The following RARB variants were observed in gnomAD, a reference collection of about 807,000 sequenced individuals.
RARB encodes HBV-activated protein.
A neutral mutation model predicts 51.9 loss-of-function variants in RARB; 17 were observed. That is an observed-to-expected ratio of 0.33 (90% CI 0.22 to 0.49). The LOEUF is 0.49. Among genes scored for constraint, RARB ranks in the 20% least tolerant of loss-of-function variants. The pLI is 0.99. For missense variants in RARB, 369 were observed against 550.8 expected (o/e 0.67, Z 3.30); for synonymous variants, 215 against 195.4 (o/e 1.10, Z -0.84).
intron 5 of RARB, among the ~76,000 whole-genome samples, chr3:25,287,496 G>A (rs367854849): frequency 6.6e-6 from 1 of 152,120 alleles, no homozygotes; most frequent in Admixed American, 6.6e-5. Context: ...GGGCAGGAGG[G>A]GGAAGCATAG....
chr3:25,332,704 G>C lies in RARB; in HGVS notation c.179-128489G>C, dbSNP rs376959012. ...AATCAGGCAGGAGAAAGAAATAAAG[G>C]GTATTCAATTAGGAAAAGAGGAAGT... On this transcript the variant is annotated intron_variant, in intron 5 of 11. Coordinates refer to the RARB transcript ENST00000383772. Among the ~76,000 whole-genome samples the C allele has an allele frequency of 1.2e-4, 19 of 152,076 alleles. No homozygotes were observed. The East Asian group carries it at 3.3e-3, about 26-fold the overall frequency.
chr3:25,248,799 T>A (rs371388897), intron 5 of RARB, among the ~76,000 whole-genome samples: 16 of 152,344 alleles, frequency 1.1e-4, no homozygotes, highest in African/African-American at 3.6e-4. Context: ...TGCTTATATG[T>A]CTACTGTTAG....
intron 5 of RARB, among the ~76,000 whole-genome samples, chr3:25,241,094 G>A (rs1434397474): frequency 1.3e-5 from 2 of 151,970 alleles, no homozygotes; most frequent in East Asian, 1.9e-4. Flanking sequence ...ATTTCCCCTG[G>A]GTTTTCCAGT....
intron 5 of RARB, among the ~76,000 whole-genome samples, chr3:25,231,922 A>G (rs773671938): frequency 2.6e-5 from 4 of 152,028 alleles, no homozygotes; most frequent in Non-Finnish European, 2.9e-5. Context: ...ATGAAACTCA[A>G]TATATTTTTT....
intron 2 of RARB, among the ~76,000 whole-genome samples, chr3:24,867,145 A>G (rs1014528796): frequency 1.3e-5 from 2 of 152,096 alleles, no homozygotes; most frequent in Non-Finnish European, 2.9e-5. Context: ...TATGGCTGGC[A>G]ATTGTTTATG....
At chr3:25,395,068 C>T (rs1707079250) in intron 5 of RARB, among the ~76,000 whole-genome samples, 1 of 152,186 alleles carries the variant, frequency 6.6e-6, no homozygotes, top group African/African-American at 2.4e-5. Flanking sequence ...AGATTCAGAG[C>T]TCCTTTTAGC....
chr3:25,421,539 G>A (rs28760501), intron 5 of RARB, among the ~76,000 whole-genome samples: 68,813 of 150,450 alleles, frequency 0.46, 16,091 homozygotes, highest in East Asian at 0.76. Context: ...AGCCTCCCGC[G>A]TAGCTGGGAT....
intron 2 of RARB, among the ~76,000 whole-genome samples, chr3:24,904,403 A>G (rs1446105509): frequency 1.3e-5 from 2 of 152,172 alleles, no homozygotes; most frequent in African/African-American, 4.8e-5. Context: ...CAACAAACAT[A>G]TGAAAAAAAG....
At chr3:24,888,669 C>T (rs942768492) in intron 2 of RARB, among the ~76,000 whole-genome samples, 1 of 151,936 alleles carries the variant, frequency 6.6e-6, no homozygotes, top group South Asian at 2.1e-4. Flanking sequence ...ATAATGTTAG[C>T]TTAGTATTTA....
chr3:24,915,645 CT>C (rs1242876531), intron 2 of RARB, among the ~76,000 whole-genome samples: 2 of 152,146 alleles, frequency 1.3e-5, no homozygotes, highest in Admixed American at 1.3e-4. Flanking sequence ...CATTTTCAGA[CT>C]TCATGTATGT....
chr3:25,448,425 C>T (rs1709045762), intron 1 of RARB, among the ~76,000 whole-genome samples: 1 of 152,182 alleles, frequency 6.6e-6, no homozygotes, highest in Non-Finnish European at 1.5e-5. Flanking sequence ...ATGTAGCATT[C>T]CTGTAGTTTG....
At chr3:24,903,618 C>T (rs1437572729) in intron 2 of RARB, among the ~76,000 whole-genome samples, 1 of 152,114 alleles carries the variant, frequency 6.6e-6, no homozygotes, top group Admixed American at 6.6e-5. Context: ...ACAACACATT[C>T]AGACTTTTAT....
rs534662548 is a variant in RARB at position 25,006,428 on chromosome 3, A to G, written c.-379-53697A>G. On this transcript the variant is annotated intron_variant, in intron 2 of 11. Coordinates refer to the RARB transcript ENST00000383772. Reference sequence around the variant, plus strand: ...GATACAGTTGTGACGTTGGCTTTCAAATAAAGAAAACTACCCATCTGTAAT... The same window carrying G: ...GATACAGTTGTGACGTTGGCTTTCAGATAAAGAAAACTACCCATCTGTAAT... 7.9e-5 allele frequency among the ~76,000 whole-genome samples: 12 copies of G among 152,276 alleles called. No homozygotes were observed. The South Asian group carries it at 1.2e-3, about 16-fold the overall frequency.
chr3:25,056,149 C>T (rs1698438843), intron 2 of RARB, among the ~76,000 whole-genome samples: 1 of 152,098 alleles, frequency 6.6e-6, no homozygotes, highest in African/African-American at 2.4e-5. Flanking sequence ...CTGCTGGTAA[C>T]AGGCTGGTCA....
intron 2 of RARB, among the ~76,000 whole-genome samples, chr3:24,890,837 C>T (rs73823015): frequency 1.3e-5 from 2 of 150,992 alleles, no homozygotes; most frequent in Non-Finnish European, 2.9e-5. Flanking sequence ...TGAATGAGGG[C>T]TCTGGAGTAA....
chr3:25,031,267 C>T (rs913182473), intron 2 of RARB, among the ~76,000 whole-genome samples: 2 of 152,158 alleles, frequency 1.3e-5, no homozygotes, highest in Non-Finnish European at 2.9e-5. Context: ...TATTGAGAAC[C>T]ACTGGACTAG....
intron 2 of RARB, among the ~76,000 whole-genome samples, chr3:24,923,465 T>C (rs1021863238): frequency 6.6e-6 from 1 of 152,156 alleles, no homozygotes; most frequent in Non-Finnish European, 1.5e-5. Context: ...GAATCGTTAT[T>C]TTAAAACCTT....
chr3:25,574,331 A>T (rs574754474), intron 4 of RARB, among the ~76,000 whole-genome samples: 1 of 152,178 alleles, frequency 6.6e-6, no homozygotes, highest in Admixed American at 6.5e-5. Flanking sequence ...AAAAACATCC[A>T]CCTCCTGCCT....
chr3:25,234,390 G>A (rs1471442262), intron 5 of RARB, among the ~76,000 whole-genome samples: 1 of 152,000 alleles, frequency 6.6e-6, no homozygotes, highest in South Asian at 2.1e-4. Flanking sequence ...ATATTAGTAA[G>A]TTGCATCTCC....
Sources: gnomAD v4.1 joint callset for allele counts (sites outside exome capture counted in the v4.1 genomes callset) on GRCh38, gnomAD v4.1.1 for gene constraint, MANE v1.5 for transcripts, NCBI Gene and HGNC (gene_info 2026-07-23, HGNC 2026-07-21) for gene names.